CHD2: variants seen among roughly 807,000 people sequenced by gnomAD.
CHD2 encodes chromodomain helicase DNA binding protein 2, also known as ATP-dependent chromatin remodeler CHD2.
CHD2 carries 28 observed loss-of-function variants against 243.9 expected under a neutral mutation model. The ratio of observed to expected loss-of-function variants is 0.11; its 90% confidence interval spans 0.09 to 0.16. The LOEUF (loss-of-function observed/expected upper bound fraction) is 0.16, where lower values mean the gene tolerates loss of function less well. Among genes scored for constraint, CHD2 ranks in the 10% least tolerant of loss-of-function variants. The pLI is 1.00. For synonymous variants in CHD2, 775 were observed against 779.0 expected (o/e 0.99, Z 0.09); for missense variants, 1,386 against 2,209.8 (o/e 0.63, Z 7.47).
rs1158592006 is a variant in CHD2, at chr15:93,026,003, A to G, written c.*1298A>G. The G allele has an allele frequency of 6.5e-6, 1 of 152,676 alleles. No individual in the cohort carries two copies. The highest frequency in any genetic ancestry group is 1.5e-5 in the Non-Finnish European group (1 of 68,050). The allele number at this position is 152,676 out of a possible 1,614,324, so 9.5% of individuals were successfully genotyped here. ...TTTCCCAAACAAGGAGCATCCAAAG[A>G]CACAGTGACTTGAGCTATAGATAGT... On this transcript the variant is annotated 3_prime_UTR_variant, in exon 39 of 39. Coordinates refer to ENST00000394196, the MANE Select transcript of CHD2 (RefSeq NM_001271.4).
intron 9 of CHD2, chr15:92,943,543 T>A (rs1393418377): frequency 6.2e-6 from 1 of 161,656 alleles, no homozygotes; most frequent in African/African-American, 2.4e-5. Context: ...AAACAAATTC[T>A]GGTTTTATAC....
At position 93,000,586 on chromosome 15, in the gene CHD2, T is replaced by G; in HGVS notation, c.4083T>G (p.Ile1361Met). The G allele has an allele frequency of 6.2e-7, 1 of 1,613,828 alleles. No individual in the cohort carries two copies. The highest frequency in any genetic ancestry group is 8.5e-7 in the Non-Finnish European group (1 of 1,179,780). ...KVPRLKEEHG[I>M]ELSSPRHSDN... is the part of the protein sequence containing the mutation. ...CCAGGCTGAAAGAGGAGCATGGAAT[T>G]GAGCTTTCATCTCCTAGGCATTCAG... Residue 1361 changes from isoleucine to methionine, a missense_variant, in exon 32 of 39, where the codon ATT (isoleucine) becomes ATG (methionine). Coordinates refer to ENST00000394196, the MANE Select transcript of CHD2 (RefSeq NM_001271.4).
At chr15:92,910,949 C>T (rs999462763) in intron 2 of CHD2, among the ~76,000 whole-genome samples, 4 of 152,124 alleles carry the variant, frequency 2.6e-5, no homozygotes, top group Admixed American at 6.5e-5. Flanking sequence ...CTGTATAGAG[C>T]ATGTTACAGT....
At chr15:92,961,258 G>A (rs1181362737) in intron 16 of CHD2, among the ~76,000 whole-genome samples, 1 of 146,330 alleles carries the variant, frequency 6.8e-6, no homozygotes, top group Non-Finnish European at 1.5e-5. Context: ...GACTAACCTG[G>A]TTTCCAGTTA....
rs1376160187 is a variant in CHD2, at chr15:93,024,833, G to GC, written c.*129dup. 2.6e-6 allele frequency: 2 copies of GC among 774,736 alleles called. No homozygotes were observed. The highest frequency in any genetic ancestry group is 6.1e-5 in the Admixed American group (2 of 33,024). The allele number at this position is 774,736 out of a possible 1,614,324, so 48.0% of individuals were successfully genotyped here. ...ACATGCTGCTGCTGTCAACTCACTG[G>GC]CTGAAGGAGCACTTCAAGGAATGGG... is the stretch of plus-strand genomic sequence containing the variant. On this transcript the variant is annotated 3_prime_UTR_variant, in exon 39 of 39. Coordinates refer to ENST00000394196, the MANE Select transcript of CHD2 (RefSeq NM_001271.4).
intron 3 of CHD2, among the ~76,000 whole-genome samples, chr15:92,924,864 G>T (rs763583299): frequency 1.3e-5 from 2 of 152,060 alleles, no homozygotes; most frequent in Non-Finnish European, 2.9e-5. Context: ...GCAGTGGCAC[G>T]ATCTTGGCTC....
Position 92,998,349 on chromosome 15 carries a change from T to A in CHD2, c.3886-150T>A. ...AGGGATTTTCAGTGACTGGGAGCCA[T>A]GGACATGAGATAGGATCTGAGGCTT... On this transcript the variant is annotated intron_variant, in intron 30 of 38. Coordinates refer to ENST00000394196, the MANE Select transcript of CHD2 (RefSeq NM_001271.4). This position sits in a 1 kb window ranked among gnomAD's most constrained non-coding sequence, Gnocchi z 5.1. 7.2e-7 allele frequency: 1 copy of A among 1,384,810 alleles called. No homozygotes were observed. Among genetic ancestry groups the A allele is most frequent in the Middle Eastern group, 2.7e-4 (1 of 3,772 alleles). 85.8% of individuals were successfully genotyped at this position (1,384,810 alleles called of 1,614,324 possible). A position where few individuals can be genotyped will look rare whatever the true frequency, so the allele number is the denominator to read the frequency against.
intron 19 of CHD2, among the ~76,000 whole-genome samples, chr15:92,972,966 G>A (rs1010366635): frequency 5.3e-5 from 8 of 152,118 alleles, no homozygotes; most frequent in Non-Finnish European, 1.2e-4. Flanking sequence ...AAGGTGGGTG[G>A]GGAGGATTAG....
At chr15:92,944,602 G>C in intron 10 of CHD2, 87 bp downstream of exon 10, 1 of 592,222 alleles carries the variant, frequency 1.7e-6, no homozygotes, top group Non-Finnish European at 2.9e-6. Context: ...TTTTAAAAAT[G>C]CACTTTGGAG....
At chr15:93,015,567 G>A (rs1199071994) in intron 37 of CHD2, among the ~76,000 whole-genome samples, 2 of 149,890 alleles carry the variant, frequency 1.3e-5, no homozygotes, top group Non-Finnish European at 2.9e-5. Flanking sequence ...ACAGAGTGAA[G>A]AGACAGTTTA....
chr15:92,949,363 T>C (rs532807087), intron 13 of CHD2: 1 of 490,204 alleles, frequency 2.0e-6, no homozygotes, highest in Admixed American at 5.1e-5. Flanking sequence ...CTCATGAGTG[T>C]ATATAGCAAG....
intron 17 of CHD2, among the ~76,000 whole-genome samples, chr15:92,969,570 C>T (rs573815975): frequency 6.6e-6 from 1 of 152,294 alleles, no homozygotes; most frequent in Non-Finnish European, 1.5e-5. Flanking sequence ...ATTTGGAGAC[C>T]ACATACTGGG....
chr15:92,921,724 T>C (rs1401556068), intron 2 of CHD2, among the ~76,000 whole-genome samples: 4 of 152,184 alleles, frequency 2.6e-5, no homozygotes, highest in African/African-American at 9.7e-5. Flanking sequence ...GGTAGGGCTT[T>C]GGCATTTATA....
rs547287058 is a variant in CHD2, at chr15:93,027,368, G to A, written c.*2663G>A. ...TCACCTAAAACCTGCACGTGAACAA[G>A]GGTTGACATGATACACTATGGCCTT... On this transcript the variant is annotated 3_prime_UTR_variant, in exon 39 of 39. Coordinates refer to ENST00000394196, the MANE Select transcript of CHD2 (RefSeq NM_001271.4). 6.6e-6 allele frequency: 1 copy of A among 152,330 alleles called. No individual in the cohort carries two copies. The highest frequency in any genetic ancestry group is 2.4e-5 in the African/African-American group (1 of 41,558). 9.4% of individuals were successfully genotyped at this position (152,330 alleles called of 1,614,324 possible).
chr15:92,981,258 G>T, intron 23 of CHD2, 107 bp from the exon 24 acceptor site: 1 of 707,444 alleles, frequency 1.4e-6, no homozygotes, highest in Non-Finnish European at 2.4e-6. Context: ...AAGGAGAATT[G>T]GTTTATTTGC....
At chr15:93,022,901 A>T (rs1360879055) in intron 38 of CHD2, among the ~76,000 whole-genome samples, 3 of 152,136 alleles carry the variant, frequency 2.0e-5, no homozygotes, top group Non-Finnish European at 4.4e-5. Context: ...GTGTCTTGAA[A>T]ACCACTGTTC....
chr15:92,907,501 G>A (rs2052644920), intron 2 of CHD2, among the ~76,000 whole-genome samples: 1 of 152,190 alleles, frequency 6.6e-6, no homozygotes, highest in African/African-American at 2.4e-5. Flanking sequence ...ATTCTGATGA[G>A]TCATTTTGTC....
intron 37 of CHD2, among the ~76,000 whole-genome samples, chr15:93,019,080 T>C (rs1296895139): frequency 6.6e-6 from 1 of 152,238 alleles, no homozygotes; most frequent in Non-Finnish European, 1.5e-5. Context: ...TAGTTTGGCC[T>C]TAATCCGTAA....
chr15:92,939,653 T>C lies in CHD2; in HGVS notation c.627T>C (p.Asp209=). 1 of 1,614,114 alleles carries C rather than the reference T, an allele frequency of 6.2e-7. No homozygotes were observed. Among genetic ancestry groups the C allele is most frequent in the Admixed American group, 1.7e-5 (1 of 60,012 alleles). ...AGAGAAAAAAGCAAGATTCTTCTGA[T>C]GAGGATGATGATGATGACGAAGCTC... ...RGKRKKQDSS[D]EDDDDDEAPK... is the part of the protein sequence containing the mutation. The change falls in exon 7 of 39, where the codon GAT becomes GAC. Residue 209 remains aspartate, a synonymous_variant. Coordinates refer to ENST00000394196, the MANE Select transcript of CHD2 (RefSeq NM_001271.4).
Sources: allele counts gnomAD v4.1 joint callset (sites outside exome capture counted in the v4.1 genomes callset), GRCh38; gene constraint gnomAD v4.1.1; non-coding constraint Gnocchi (gnomAD v3.1); transcripts MANE v1.5; gene names NCBI Gene and HGNC (gene_info 2026-07-23, HGNC 2026-07-21).